Variants in CACNG3 observed in about 807,000 individuals in gnomAD.
The protein encoded by CACNG3 is voltage-dependent calcium channel gamma-3 subunit.
CACNG3 carries 3 observed loss-of-function variants against 28.5 expected under a neutral mutation model. The ratio of observed to expected loss-of-function variants is 0.11; its 90% CI spans 0.05 to 0.27. The LOEUF (loss-of-function observed/expected upper bound fraction) is 0.27. CACNG3 is among the 10% of genes least tolerant of loss of function. The pLI is 1.00. For missense variants in CACNG3, 236 were observed against 414.4 expected (o/e 0.57, Z 3.74); for synonymous variants, 174 against 162.2 (o/e 1.07, Z -0.55).
chr16:24,344,561 T>C (rs1020510034), intron 1 of CACNG3, among the ~76,000 whole-genome samples: 20 of 152,176 alleles, frequency 1.3e-4, no homozygotes, highest in Non-Finnish European at 1.8e-4. Context: ...CTCTAAAATA[T>C]GAACAAGCAT....
intron 1 of CACNG3, among the ~76,000 whole-genome samples, chr16:24,257,688 C>T (rs1446483580): frequency 1.3e-5 from 2 of 152,140 alleles, no homozygotes; most frequent in Non-Finnish European, 2.9e-5. Context: ...TGTCTTCATT[C>T]CTAAATCATT....
chr16:24,318,172 T>A (rs983373604), intron 1 of CACNG3, among the ~76,000 whole-genome samples: 1 of 152,148 alleles, frequency 6.6e-6, no homozygotes, highest in Non-Finnish European at 1.5e-5. Flanking sequence ...TAGGAGGCAC[T>A]CAGTATATCC....
chr16:24,357,609 T>G (rs889061528), intron 3 of CACNG3, among the ~76,000 whole-genome samples: 4 of 152,176 alleles, frequency 2.6e-5, no homozygotes, highest in African/African-American at 9.7e-5. Context: ...GAAAGAGAAC[T>G]GCCATCTTGC....
chr16:24,257,409 GAGAGAGA>G (rs1898478591), intron 1 of CACNG3, among the ~76,000 whole-genome samples: 5 of 143,854 alleles, frequency 3.5e-5, no homozygotes, highest in African/African-American at 1.0e-4. Context: ...GAGAGAGAGA[GAGAGAGA>G]GAGAGAGAGA....
At chr16:24,292,099 G>A (rs1475842750) in intron 1 of CACNG3, among the ~76,000 whole-genome samples, 1 of 152,132 alleles carries the variant, frequency 6.6e-6, no homozygotes, top group Non-Finnish European at 1.5e-5. Flanking sequence ...AGGTGGAGCG[G>A]ATAACCGGGC....
intron 1 of CACNG3, among the ~76,000 whole-genome samples, chr16:24,302,729 G>A (rs751324617): frequency 6.6e-6 from 1 of 151,642 alleles, no homozygotes; most frequent in Non-Finnish European, 1.5e-5. Flanking sequence ...GTGCAATCTC[G>A]GCTCACTGCA....
chr16:24,351,627 G>C (rs1454042175), intron 2 of CACNG3, among the ~76,000 whole-genome samples: 1 of 103,532 alleles, frequency 9.7e-6, no homozygotes, highest in African/African-American at 4.0e-5. Context: ...GGAAGGAGGG[G>C]AAGGGGAAGG....
intron 1 of CACNG3, among the ~76,000 whole-genome samples, chr16:24,342,408 C>T (rs949290049): frequency 1.7e-4 from 26 of 152,294 alleles, no homozygotes; most frequent in Non-Finnish European, 2.4e-4. Context: ...CCCAGATTTG[C>T]GCCAGAAGCC....
intron 1 of CACNG3, among the ~76,000 whole-genome samples, chr16:24,346,483 T>C (rs1212227384): frequency 6.6e-6 from 1 of 152,054 alleles, no homozygotes; most frequent in East Asian, 1.9e-4. Context: ...GAGGCTGGGG[T>C]GAGAGGATCA....
At position 24,317,648 on chromosome 16, in the gene CACNG3, A is replaced by AAAGGAAAAGAAAG. The variant is rs1491194402; in HGVS notation, c.212-29084_212-29083insGGAAAAGAAAGAA. The stretch of plus-strand genomic sequence containing the variant: ...AAAGACAGACAGAAAGAAAGAAAAG[A>AAAGGAAAAGAAAG]AAAGAAAGAAAGAAAGAAAGAAAGA... On this transcript the variant is annotated intron_variant, in intron 1 of 3. Transcript: ENST00000005284. Among the ~76,000 whole-genome samples, 51 of 55,726 alleles carry AAAGGAAAAGAAAG rather than the reference A, an allele frequency of 9.2e-4. 3 individuals carry two copies. The highest frequency in any genetic ancestry group is 0.016 in the Middle Eastern group (2 of 124). 36.6% of individuals were successfully genotyped at this position (55,726 alleles called of 152,430 possible).
intron 2 of CACNG3, among the ~76,000 whole-genome samples, chr16:24,348,626 C>T (rs1160518181): frequency 6.6e-5 from 10 of 152,132 alleles, no homozygotes; most frequent in Non-Finnish European, 4.4e-5. Flanking sequence ...TCTCACCCCT[C>T]ACATCAGCAG....
At position 24,341,017 on chromosome 16, in the gene CACNG3, C is replaced by A. The variant is rs1320875179; in HGVS notation, c.212-5717C>A. Among the ~76,000 whole-genome samples, 3 of 152,218 alleles carry A rather than the reference C, an allele frequency of 2.0e-5. No individual in the cohort carries two copies. In the East Asian group the frequency reaches 5.8e-4, roughly 29 times the overall value. On this transcript the variant is annotated intron_variant, in intron 1 of 3. Coordinates refer to ENST00000005284, the MANE Select transcript of CACNG3 (RefSeq NM_006539.4). ...ATCCTTGCAGTCTGCATGTTTTCAC[C>A]ATCTCTCTTGGTTCCATCTTCTACA...
chr16:24,349,706 C>T lies in CACNG3; in HGVS notation c.295+2889C>T, dbSNP rs75966216. ...ACTTTCATCACCATCTTGGTTTTGG[C>T]GGGTTTGGGCTGGCTTCTTCACTGC... On this transcript the variant is annotated intron_variant, in intron 2 of 3. Coordinates refer to ENST00000005284, the MANE Select transcript of CACNG3 (RefSeq NM_006539.4). 2.6e-4 allele frequency among the ~76,000 whole-genome samples: 40 copies of T among 152,216 alleles called. No homozygotes were observed. The East Asian group carries it at 4.3e-3, about 16-fold the overall frequency.
intron 1 of CACNG3, among the ~76,000 whole-genome samples, chr16:24,303,911 A>C (rs1232353229): frequency 6.6e-6 from 1 of 152,144 alleles, no homozygotes; most frequent in Non-Finnish European, 1.5e-5. Flanking sequence ...CCATCTCAAA[A>C]ATAAATGAAC....
intron 1 of CACNG3, among the ~76,000 whole-genome samples, chr16:24,334,646 G>T (rs1197619622): frequency 6.6e-6 from 1 of 152,228 alleles, no homozygotes; most frequent in African/African-American, 2.4e-5. Flanking sequence ...TTGGATGATA[G>T]TCTCACTTCC....
chr16:24,334,998 A>G (rs2141375198), intron 1 of CACNG3, among the ~76,000 whole-genome samples: 1 of 152,302 alleles, frequency 6.6e-6, no homozygotes, highest in Middle Eastern at 3.4e-3. Context: ...TGATATTAAT[A>G]ACTGCCCCCT....
At position 24,321,081 on chromosome 16, in the gene CACNG3, T is replaced by C. The variant is rs567247702; in HGVS notation, c.212-25653T>C. Reference sequence around the variant, plus strand: ...CACTGTTCTGAGTAGTGTGATGAAATCTTGCACCATCCCACCCAGGATGTG... The same window carrying C: ...CACTGTTCTGAGTAGTGTGATGAAACCTTGCACCATCCCACCCAGGATGTG... On this transcript the variant is annotated intron_variant, in intron 1 of 3. Transcript: ENST00000005284. 2.0e-5 allele frequency among the ~76,000 whole-genome samples: 3 copies of C among 152,258 alleles called. No individual in the cohort carries two copies. The East Asian group carries it at 5.8e-4, about 29-fold the overall frequency.
chr16:24,327,471 C>A (rs1309273109), intron 1 of CACNG3, among the ~76,000 whole-genome samples: 4 of 128,836 alleles, frequency 3.1e-5, no homozygotes, highest in Admixed American at 2.5e-4. Context: ...CACACACACA[C>A]ACACACATAT....
intron 1 of CACNG3, among the ~76,000 whole-genome samples, chr16:24,280,844 A>AAAAAAAAAAAC: frequency 2.0e-5 from 3 of 151,062 alleles, no homozygotes; most frequent in Non-Finnish European, 4.4e-5. Flanking sequence ...AAAAAAAAAA[A>AAAAAAAAAAAC]AGACCAGACC....
Sources: allele counts gnomAD v4.1 joint callset (sites outside exome capture counted in the v4.1 genomes callset), GRCh38; gene constraint gnomAD v4.1.1; transcripts MANE v1.5; gene names NCBI Gene and HGNC (gene_info 2026-07-23, HGNC 2026-07-21).